The following GABRB1 variants were observed in gnomAD, a reference collection of about 807,000 sequenced individuals.
GABRB1 encodes the protein gamma-aminobutyric acid receptor subunit beta-1.
Under a neutral mutation model 51.6 loss-of-function variants are expected in GABRB1, and 17 were observed. That is an observed-to-expected ratio of 0.33 (90% CI 0.23 to 0.49). The LOEUF (loss-of-function observed/expected upper bound fraction) is 0.49. GABRB1 is among the 20% of genes least tolerant of loss of function. The probability of loss-of-function intolerance (pLI) is 0.99; values close to 1 mark genes in which losing one functional copy is unlikely to be tolerated. For missense variants in GABRB1, 410 were observed against 600.6 expected, an observed-to-expected ratio of 0.68 and a Z score of 3.32; for synonymous variants, 247 against 218.9, an observed-to-expected ratio of 1.13 and a Z score of -1.14.
intron 3 of GABRB1, among the ~76,000 whole-genome samples, chr4:47,052,923 A>G (rs774824214): frequency 6.6e-6 from 1 of 152,230 alleles, no homozygotes; most frequent in Non-Finnish European, 1.5e-5. Context: ...GGTGGAAATC[A>G]GAGAAGAAAT....
chr4:47,239,522 C>G (rs759867955), intron 4 of GABRB1, among the ~76,000 whole-genome samples: 1 of 152,066 alleles, frequency 6.6e-6, no homozygotes. Context: ...CAGTTGGCAA[C>G]GGGCCCCATC....
At chr4:47,032,923 G>A in intron 3 of GABRB1, 1 of 346,722 alleles carries the variant, frequency 2.9e-6, no homozygotes, top group South Asian at 2.1e-5. Flanking sequence ...CCGCGAGCCC[G>A]GATGCACCAA....
chr4:47,421,758 T>G (rs1349775909), intron 8 of GABRB1, among the ~76,000 whole-genome samples: 1 of 152,142 alleles, frequency 6.6e-6, no homozygotes, highest in Non-Finnish European at 1.5e-5. Context: ...GATGAATCCC[T>G]AATCGTGATC....
chr4:47,389,256 T>C (rs1016513954), intron 5 of GABRB1, among the ~76,000 whole-genome samples: 1 of 152,208 alleles, frequency 6.6e-6, no homozygotes, highest in African/African-American at 2.4e-5. Context: ...TCCCCTTCCC[T>C]GCTTAAGATT....
intron 3 of GABRB1, among the ~76,000 whole-genome samples, chr4:47,072,153 T>C (rs1727365969): frequency 6.6e-6 from 1 of 152,204 alleles, no homozygotes; most frequent in Admixed American, 6.5e-5. Flanking sequence ...CTTTTTAAGT[T>C]GTGCCCTCTA....
intron 4 of GABRB1, among the ~76,000 whole-genome samples, chr4:47,194,149 A>T (rs1195702770): frequency 6.6e-6 from 1 of 152,144 alleles, no homozygotes; most frequent in African/African-American, 2.4e-5. Flanking sequence ...TGCAAAACTC[A>T]TATCAAGCTG....
At chr4:47,087,547 T>C (rs866066591) in intron 3 of GABRB1, among the ~76,000 whole-genome samples, 24 of 151,948 alleles carry the variant, frequency 1.6e-4, no homozygotes, top group African/African-American at 5.8e-4. Flanking sequence ...CTTTCTTTTT[T>C]TTTTTTTTAT....
rs71195605 is a variant in GABRB1, at chr4:47,125,559, C to CTTTTTTTTTTTTTTTTTTTTTTTTTT, written c.241-35676_241-35675insTTTTTTTTTTTTTTTTTTTTTTTTTT. On this transcript the variant is annotated intron_variant, in intron 3 of 8. Coordinates refer to ENST00000295454, the MANE Select transcript of GABRB1 (RefSeq NM_000812.4). ...CTCTAGACACAACAAAGTATAATTTCTTTTTTTTTTTTTTGAGACGGAGTC... is the reference window on the plus strand; with the variant it reads ...CTCTAGACACAACAAAGTATAATTTCTTTTTTTTTTTTTTTTTTTTTTTTTTTTTTTTTTTTTTTTGAGACGGAGTC... 2.5e-5 allele frequency among the ~76,000 whole-genome samples: 2 copies of CTTTTTTTTTTTTTTTTTTTTTTTTTT among 80,716 alleles called. 1 individual carries two copies. The highest frequency in any genetic ancestry group is 7.8e-5 in the African/African-American group (2 of 25,660). The allele number at this position is 80,716 out of a possible 152,430, so 53.0% of individuals were successfully genotyped here.
At chr4:47,213,687 G>A (rs892800124) in intron 4 of GABRB1, among the ~76,000 whole-genome samples, 2 of 151,970 alleles carry the variant, frequency 1.3e-5, no homozygotes, top group Non-Finnish European at 2.9e-5. Flanking sequence ...TTTATCAGCT[G>A]ACATCCTGAT....
In GABRB1 at chr4:47,254,361, G is replaced by GGTTT. The variant is rs1305298443; in HGVS notation, c.462-65766_462-65765insGTTT. ...ATGGTGGATGATGTTTCTTTTCTTT[G>GGTTT]TTTTTTTTTTTTTTTTTTTTTTTTT... is the stretch of plus-strand genomic sequence containing the variant. On this transcript the variant is annotated intron_variant, in intron 4 of 8. Coordinates refer to ENST00000295454, the MANE Select transcript of GABRB1 (RefSeq NM_000812.4). Among the ~76,000 whole-genome samples the GGTTT allele has an allele frequency of 6.7e-4, 54 of 80,966 alleles. 15 individuals carry two copies. The highest frequency in any genetic ancestry group is 1.6e-3 in the African/African-American group (30 of 19,290). 53.1% of individuals were successfully genotyped at this position (80,966 alleles called of 152,430 possible). A position where few individuals can be genotyped will look rare whatever the true frequency, so the allele number is the denominator to read the frequency against.
At chr4:47,350,679 G>C (rs907293185) in intron 5 of GABRB1, among the ~76,000 whole-genome samples, 1 of 151,902 alleles carries the variant, frequency 6.6e-6, no homozygotes, top group Non-Finnish European at 1.5e-5. Context: ...TGTATTGCAA[G>C]CTATTGAATT....
intron 5 of GABRB1, among the ~76,000 whole-genome samples, chr4:47,376,490 C>CA (rs549588774): frequency 0.055 from 8,334 of 152,056 alleles, 293 homozygotes; most frequent in Admixed American, 0.1. Flanking sequence ...ACTAAAAATA[C>CA]AAAAAAATTA....
At chr4:47,012,666 C>A (rs192460722) in intron 1 of GABRB1, among the ~76,000 whole-genome samples, 1 of 152,214 alleles carries the variant, frequency 6.6e-6, no homozygotes, top group Non-Finnish European at 1.5e-5. Flanking sequence ...TATTCGTATG[C>A]ATTCCTCAGT....
intron 1 of GABRB1, among the ~76,000 whole-genome samples, chr4:47,012,703 T>C (rs1394974397): frequency 6.6e-6 from 1 of 152,230 alleles, no homozygotes; most frequent in Non-Finnish European, 1.5e-5. Context: ...TTGACACAGG[T>C]ATCTGGCTCC....
chr4:47,277,631 GC>G (rs749356044), intron 4 of GABRB1, among the ~76,000 whole-genome samples: 89 of 151,688 alleles, frequency 5.9e-4, no homozygotes, highest in Non-Finnish European at 1.1e-3. Flanking sequence ...AAATGTATAT[GC>G]CTACTATGTG....
At chr4:47,289,668 A>G (rs1308430309) in intron 4 of GABRB1, among the ~76,000 whole-genome samples, 3 of 152,192 alleles carry the variant, frequency 2.0e-5, no homozygotes, top group African/African-American at 7.2e-5. Flanking sequence ...GGTGTACTGG[A>G]TGAGTGATGG....
At chr4:47,167,790 T>C (rs1049123353) in intron 4 of GABRB1, among the ~76,000 whole-genome samples, 1 of 152,146 alleles carries the variant, frequency 6.6e-6, no homozygotes, top group African/African-American at 2.4e-5. Context: ...TTTCTTGCTC[T>C]CTCAATTTCC....
In GABRB1 at chr4:47,353,002, G is replaced by C. The variant is rs184006937; in HGVS notation, c.544+32793G>C. Among the ~76,000 whole-genome samples, 228 of 152,288 alleles carry C rather than the reference G, an allele frequency of 1.5e-3. 1 individual carries two copies. Among genetic ancestry groups the C allele is most frequent in the Admixed American group, 4.8e-3 (74 of 15,274 alleles). On this transcript the variant is annotated intron_variant, in intron 5 of 8. Transcript: ENST00000295454. ...TTGAACTTACAGTTCCACATGGTTG[G>C]GGAGACCTCAGAATCGTGGCAGGAG...
chr4:47,232,907 C>T (rs111491457), intron 4 of GABRB1, among the ~76,000 whole-genome samples: 1,851 of 148,720 alleles, frequency 0.012, 18 homozygotes, highest in Non-Finnish European at 0.018. Context: ...CGTAGTCTCA[C>T]TCTGTCACCC....
Sources: gnomAD v4.1 joint callset for allele counts (sites outside exome capture counted in the v4.1 genomes callset) on GRCh38, gnomAD v4.1.1 for gene constraint, MANE v1.5 for transcripts, NCBI Gene and HGNC (gene_info 2026-07-23, HGNC 2026-07-21) for gene names.